The following XRCC5 variants were observed in gnomAD, a reference collection of about 807,000 sequenced individuals.
XRCC5 encodes DNA repair protein Ku80.
In XRCC5, 12 loss-of-function variants were observed where a neutral mutation model predicts 95.7. That is an observed-to-expected ratio of 0.13 (90% CI 0.08 to 0.20). The LOEUF is 0.20. Among genes scored for constraint, XRCC5 ranks in the 10% least tolerant of loss-of-function variants. The probability of loss-of-function intolerance (pLI) is 1.00; values close to 1 mark genes in which losing one functional copy is unlikely to be tolerated. For missense variants in XRCC5, 595 were observed against 873.9 expected (o/e 0.68, Z 4.02); for synonymous variants, 281 against 290.3 (o/e 0.97, Z 0.33).
Position 216,186,668 on chromosome 2 carries a change from A to G in XRCC5, c.1835-3557A>G, listed in dbSNP as rs41302498. On this transcript the variant is annotated intron_variant, in intron 16 of 20. Transcript: ENST00000392132. Reference sequence around the variant, plus strand: ...CCTTCCAATGGCCATTTTTTATTTTAGCTACTAATGAGTATTATTGAGTCA... The same window carrying G: ...CCTTCCAATGGCCATTTTTTATTTTGGCTACTAATGAGTATTATTGAGTCA... Among the ~76,000 whole-genome samples, 708 of 152,302 alleles carry G rather than the reference A, an allele frequency of 4.6e-3. 2 individuals carry two copies. Among genetic ancestry groups the G allele is most frequent in the African/African-American group, 0.016 (680 of 41,572 alleles).
At chr2:216,158,217 G>A (rs913134625) in intron 14 of XRCC5, among the ~76,000 whole-genome samples, 6 of 152,120 alleles carry the variant, frequency 3.9e-5, no homozygotes, top group African/African-American at 1.4e-4. Flanking sequence ...ATCTGTATTT[G>A]TGGAAGAGAA....
chr2:216,199,943 C>A (rs1246786788), intron 19 of XRCC5, among the ~76,000 whole-genome samples: 1 of 150,294 alleles, frequency 6.7e-6, no homozygotes, highest in African/African-American at 2.5e-5. Context: ...CCTAATTTAT[C>A]CTTCTTTATT....
chr2:216,200,159 A>C (rs1689809702), intron 19 of XRCC5, among the ~76,000 whole-genome samples: 1 of 152,002 alleles, frequency 6.6e-6, no homozygotes, highest in South Asian at 2.1e-4. Flanking sequence ...TTATCACCAC[A>C]CCATGGCACC....
intron 19 of XRCC5, among the ~76,000 whole-genome samples, chr2:216,199,658 T>C (rs1318542164): frequency 6.6e-6 from 1 of 152,194 alleles, no homozygotes; most frequent in African/African-American, 2.4e-5. Flanking sequence ...CTCCTGGCTC[T>C]GTAGTGGGTG....
chr2:216,190,795 G>A (rs1689601036), intron 17 of XRCC5, among the ~76,000 whole-genome samples: 1 of 152,150 alleles, frequency 6.6e-6, no homozygotes, highest in African/African-American at 2.4e-5. Flanking sequence ...TTCCTCCCAT[G>A]CCTTTTGTGT....
intron 19 of XRCC5, among the ~76,000 whole-genome samples, chr2:216,200,077 G>A (rs907044883): frequency 6.6e-6 from 1 of 151,964 alleles, no homozygotes; most frequent in East Asian, 1.9e-4. Context: ...AAAGTTTTCT[G>A]TGCCTCACAG....
chr2:216,117,856 G>A (rs1019030382), intron 4 of XRCC5, 62 bp downstream of exon 4: 5 of 1,478,022 alleles, frequency 3.4e-6, no homozygotes, highest in African/African-American at 2.8e-5. Flanking sequence ...ATGGGTTAAT[G>A]TATTGAATGT....
chr2:216,190,439 A>C (rs1192135067), intron 17 of XRCC5, 105 bp downstream of exon 17: 21 of 966,012 alleles, frequency 2.2e-5, no homozygotes, highest in Non-Finnish European at 2.5e-5. Context: ...GGAAATTATC[A>C]TTCTCAATAT....
At chr2:216,202,495 G>A (rs1689852517) in intron 19 of XRCC5, among the ~76,000 whole-genome samples, 1 of 152,166 alleles carries the variant, frequency 6.6e-6, no homozygotes, top group Non-Finnish European at 1.5e-5. Flanking sequence ...GTATTTGGCT[G>A]TCAGATATCT....
rs1018952990 is a variant in XRCC5, at chr2:216,127,595, A to G, written c.858A>G (p.Lys286=). The G allele has an allele frequency of 1.2e-6, 2 of 1,612,644 alleles. No homozygotes were observed. Among genetic ancestry groups the G allele is most frequent in the East Asian group, 2.2e-5 (1 of 44,780 alleles). The part of the protein sequence containing the change: ...WTVVDAKTLK[K]EDIQKETVYC... ...TTGTGGATGCAAAAACCCTAAAAAA[A>G]GAAGATATACAAAAAGAAACAGTTT... The change falls in exon 8 of 21, where the codon AAA becomes AAG. Residue 286 remains lysine (K), a synonymous_variant. Coordinates refer to ENST00000392132, the MANE Select transcript of XRCC5 (RefSeq NM_021141.4).
At chr2:216,174,802 C>T (rs1355805111) in intron 16 of XRCC5, 2 of 198,460 alleles carry the variant, frequency 1.0e-5, no homozygotes, top group Non-Finnish European at 1.0e-5. Flanking sequence ...TCCTCTAATG[C>T]ATTTGGGATG....
chr2:216,121,992 C>A (rs1243897272), intron 5 of XRCC5, 70 bp from the exon 6 acceptor site: 5 of 1,355,008 alleles, frequency 3.7e-6, no homozygotes, highest in Non-Finnish European at 4.9e-6. Context: ...CTGATGTGCT[C>A]ATTTTCTCAT....
At chr2:216,167,555 T>C (rs1171507673) in intron 16 of XRCC5, among the ~76,000 whole-genome samples, 1 of 144,668 alleles carries the variant, frequency 6.9e-6, no homozygotes, top group Admixed American at 7.2e-5. Flanking sequence ...ATCTCTCTCG[T>C]GTGTGTGTGT....
At chr2:216,188,476 AAG>A (rs1254644737) in intron 16 of XRCC5, among the ~76,000 whole-genome samples, 2 of 152,238 alleles carry the variant, frequency 1.3e-5, no homozygotes, top group Non-Finnish European at 1.5e-5. Context: ...CTATCAAACA[AAG>A]AGAAACATTT....
intron 16 of XRCC5, among the ~76,000 whole-genome samples, chr2:216,162,987 C>G (rs756115175): frequency 6.6e-5 from 10 of 152,158 alleles, no homozygotes; most frequent in Non-Finnish European, 1.2e-4. Context: ...AGTTGTTAAT[C>G]CTGCAGGTTT....
intron 16 of XRCC5, among the ~76,000 whole-genome samples, chr2:216,168,803 G>T (rs531616883): frequency 6.6e-6 from 1 of 152,186 alleles, no homozygotes. Flanking sequence ...ACCCTAGATC[G>T]CATATAAGTT....
intron 17 of XRCC5, 75 bp from the exon 18 acceptor site, chr2:216,192,564 T>C (rs1020883831): frequency 1.0e-6 from 1 of 968,408 alleles, no homozygotes; most frequent in Non-Finnish European, 1.5e-6. Flanking sequence ...GACCAAACTT[T>C]GTTTGGTCTG....
At chr2:216,136,804 G>T (rs921965659) in intron 10 of XRCC5, among the ~76,000 whole-genome samples, 2 of 152,314 alleles carry the variant, frequency 1.3e-5, no homozygotes, top group Admixed American at 1.3e-4. Flanking sequence ...ACAAACAAAA[G>T]ATTTGTTTAG....
chr2:216,185,736 C>G (rs1243320339), intron 16 of XRCC5, among the ~76,000 whole-genome samples: 3 of 149,970 alleles, frequency 2.0e-5, no homozygotes, highest in African/African-American at 7.4e-5. Flanking sequence ...AGTGCAGTGG[C>G]ATGATCTCGG....
Sources: gnomAD v4.1 joint callset for allele counts (sites outside exome capture counted in the v4.1 genomes callset) on GRCh38, gnomAD v4.1.1 for gene constraint, MANE v1.5 for transcripts, NCBI Gene and HGNC (gene_info 2026-07-23, HGNC 2026-07-21) for gene names.